UBA5: variants seen among roughly 807,000 people sequenced by gnomAD.
The protein encoded by UBA5 is ubiquitin-like modifier-activating enzyme 5.
In UBA5, 28 loss-of-function variants were observed where a neutral mutation model predicts 52.9. The observed-to-expected ratio is 0.53, with a 90% CI of 0.39 to 0.73. The LOEUF (loss-of-function observed/expected upper bound fraction) is 0.73, where lower values mean the gene tolerates loss of function less well. Among genes scored for constraint, UBA5 ranks in the 30% least tolerant of loss-of-function variants. The pLI is 0.00. For missense variants in UBA5, 388 were observed against 492.7 expected, an observed-to-expected ratio of 0.79 and a Z score of 2.01; for synonymous variants, 135 against 162.1, an observed-to-expected ratio of 0.83 and a Z score of 1.27.
rs149798080 is a variant in UBA5, at chr3:132,669,469, C to T, written c.407+542C>T. ...TTTTAGCAGAGATGGGGTTTTGCCA[C>T]ATTGCCCAGGCTGGTCTCAAACTCT... is the stretch of plus-strand genomic sequence containing the variant. On this transcript the variant is annotated intron_variant, in intron 4 of 11. Transcript: ENST00000356232. Among the ~76,000 whole-genome samples the T allele has an allele frequency of 1.2e-3, 182 of 152,196 alleles. 1 individual carries two copies. Among genetic ancestry groups the T allele is most frequent in the African/African-American group, 3.8e-3 (156 of 41,528 alleles).
Position 132,676,597 on chromosome 3 carries a change from C to A in UBA5, c.*71C>A. The A allele has an allele frequency of 9.0e-7, 1 of 1,112,816 alleles. No individual in the cohort carries two copies. The highest frequency in any genetic ancestry group is 1.3e-6 in the Non-Finnish European group (1 of 760,190). 68.9% of individuals were successfully genotyped at this position (1,112,816 alleles called of 1,614,324 possible). A position where few individuals can be genotyped will look rare whatever the true frequency, so the allele number is the denominator to read the frequency against. On this transcript the variant is annotated 3_prime_UTR_variant, in exon 12 of 12. Coordinates refer to ENST00000356232, the MANE Select transcript of UBA5 (RefSeq NM_024818.6). This position sits in a 1 kb window ranked among gnomAD's most constrained non-coding sequence, Gnocchi z 4.1. ...CCTTGAAATTAAAAAAAAATTTTAA[C>A]TGATAAAACTTAGGGCAACATTAAT...
chr3:132,658,771 T>G (rs1217459165), upstream of UBA5, among the ~76,000 whole-genome samples: 1 of 152,218 alleles, frequency 6.6e-6, no homozygotes, highest in Non-Finnish European at 1.5e-5. Flanking sequence ...TAAATGCTAG[T>G]GATAAAATAC....
rs914237008 is a variant in UBA5 at position 132,670,046 on chromosome 3, CAG to C, written c.408-151_408-150del. The C allele has an allele frequency of 3.0e-4, 159 of 524,464 alleles. No individual in the cohort carries two copies. The African/African-American group carries it at 3.1e-3, about 10-fold the overall frequency. The allele number at this position is 524,464 out of a possible 1,614,324, so 32.5% of individuals were successfully genotyped here. ...CTTTTTAAAAACATTTTTTTAGAGA[CAG>C]GGTCTCACTCTGTCCCCCAGGTTGG... On this transcript the variant is annotated intron_variant, in intron 4 of 11. Transcript: ENST00000356232.
Position 132,675,883 on chromosome 3 carries a change from T to C in UBA5, c.1091T>C (p.Leu364Ser), listed in dbSNP as rs745505299. 4.3e-6 allele frequency: 7 copies of C among 1,611,472 alleles called. No homozygotes were observed. The East Asian group carries it at 1.1e-4, about 26-fold the overall frequency. Residue 364 changes from leucine to serine, a missense_variant, in exon 11 of 12, where the codon TTA becomes TCA. Physicochemically the swap from Leu to Ser is moderately radical, Grantham distance 145 (BLOSUM62 -2). Around this residue, in one of 3 missense-constraint regions of UBA5, gnomAD observed 277 missense variants for 326.4 expected, o/e 0.85. Transcript: ENST00000356232. ...LKNFSGPVPD[L>S]PEGITVAYTI... is the part of the protein sequence containing the mutation. ...AATTTTTCAGGTCCAGTTCCAGACT[T>C]ACCTGAAGGAATTACAGTGGCATAC...
In UBA5 at chr3:132,676,554, T is replaced by C; in HGVS notation, c.*28T>C. On this transcript the variant is annotated 3_prime_UTR_variant, in exon 12 of 12. Transcript: ENST00000356232. This position sits in a 1 kb window ranked among gnomAD's most constrained non-coding sequence, Gnocchi z 4.1. ...AATGGACTGGGATATATTGTATTTCTCATGTTAAAGCCTCTTCCCTTGAAA... is the reference window on the plus strand; with the variant it reads ...AATGGACTGGGATATATTGTATTTCCCATGTTAAAGCCTCTTCCCTTGAAA... The C allele has an allele frequency of 6.5e-7, 1 of 1,531,582 alleles. No individual in the cohort carries two copies. Among genetic ancestry groups the C allele is most frequent in the Non-Finnish European group, 8.9e-7 (1 of 1,125,206 alleles). 94.9% of individuals were successfully genotyped at this position (1,531,582 alleles called of 1,614,324 possible). A position where few individuals can be genotyped will look rare whatever the true frequency, so the allele number is the denominator to read the frequency against.
upstream of UBA5, chr3:132,659,518 A>G (rs994868366): frequency 1.3e-6 from 2 of 1,578,800 alleles, no homozygotes; most frequent in Non-Finnish European, 1.7e-6. Context: ...GGGTGGGAGA[A>G]ACTTAGGAAA....
chr3:132,661,175 C>A (rs1170827191), intron 1 of UBA5: 2 of 635,774 alleles, frequency 3.1e-6, no homozygotes, highest in Non-Finnish European at 4.6e-6. Flanking sequence ...TTCGACATTA[C>A]CAAGACTGCC....
At chr3:132,664,459 G>A (rs1938289406) in intron 1 of UBA5, among the ~76,000 whole-genome samples, 1 of 151,652 alleles carries the variant, frequency 6.6e-6, no homozygotes, top group African/African-American at 2.4e-5. Flanking sequence ...AAAACTACTG[G>A]AAGATGTTCT....
rs374231741 is a variant in UBA5, at chr3:132,668,910, A to C, written c.390A>C (p.Ala130=). 60 of 1,606,870 alleles carry C rather than the reference A, an allele frequency of 3.7e-5. 1 individual carries two copies. In the East Asian group the frequency reaches 4.0e-4, roughly 11 times the overall value. The change falls in exon 4 of 12, where the codon GCA becomes GCC. Residue 130 remains alanine, a synonymous_variant. Coordinates refer to ENST00000356232, the MANE Select transcript of UBA5 (RefSeq NM_024818.6). ...PHQAGLSKVQ[A]AEHTLRNINP... ...AAGCAGGATTAAGTAAAGTTCAAGC[A>C]GCAGAACATACTCTGAGGTAAATGG...
At chr3:132,659,878 C>T, upstream of UBA5, 1 of 1,165,922 alleles carries the variant, frequency 8.6e-7, no homozygotes, top group Non-Finnish European at 1.2e-6. Flanking sequence ...TCCAGCCAAC[C>T]GCACACAGCC....
In UBA5 at chr3:132,671,770, T is replaced by A. The variant is rs754852475; in HGVS notation, c.580-7T>A. The A allele has an allele frequency of 6.3e-7, 1 of 1,599,172 alleles. No homozygotes were observed. The highest frequency in any genetic ancestry group is 8.5e-7 in the Non-Finnish European group (1 of 1,175,330). ...TTTTCCTTATGTTTTCACCCATTTC[T>A]ACTAAGGCTTGTAATGAACTTGGAC... On this transcript the variant is annotated splice_polypyrimidine_tract_variant and splice_region_variant and intron_variant, in intron 6 of 11. Coordinates refer to ENST00000356232, the MANE Select transcript of UBA5 (RefSeq NM_024818.6).
chr3:132,666,224 C>G lies in UBA5; in HGVS notation c.297+151C>G, dbSNP rs1168581290. 6.5e-6 allele frequency: 4 copies of G among 616,576 alleles called. No individual in the cohort carries two copies. In the South Asian group the frequency reaches 8.6e-5, roughly 13 times the overall value. 38.2% of individuals were successfully genotyped at this position (616,576 alleles called of 1,614,324 possible). A position where few individuals can be genotyped will look rare whatever the true frequency, so the allele number is the denominator to read the frequency against. ...TCTTTCTACTCGGGTTGAGACATAT[C>G]CCCACCCAAACAAAAGGTGATATTA... On this transcript the variant is annotated intron_variant, in intron 3 of 11. Coordinates refer to ENST00000356232, the MANE Select transcript of UBA5 (RefSeq NM_024818.6).
chr3:132,657,923 T>C (rs1336015611), upstream of UBA5, among the ~76,000 whole-genome samples: 1 of 146,728 alleles, frequency 6.8e-6, no homozygotes, highest in African/African-American at 2.5e-5. Context: ...AGCATGGTGG[T>C]GCAATCTTGG....
In UBA5 at chr3:132,660,973, A is replaced by T. The variant is rs1219908149; in HGVS notation, c.161+275A>T. ...AGTTTCCTATCACCCTTGCCTCTTA[A>T]TTAGTCCGCCTCGCTGTGTATAAGA... On this transcript the variant is annotated intron_variant, in intron 1 of 11. Transcript: ENST00000356232. This position sits in a 1 kb window ranked among gnomAD's most constrained non-coding sequence, Gnocchi z 4.1. The T allele has an allele frequency of 1.4e-6, 2 of 1,480,692 alleles. No individual in the cohort carries two copies. The highest frequency in any genetic ancestry group is 1.8e-6 in the Non-Finnish European group (2 of 1,112,616). The allele number at this position is 1,480,692 out of a possible 1,614,324, so 91.7% of individuals were successfully genotyped here.
chr3:132,662,302 A>G (rs113315720), intron 1 of UBA5, among the ~76,000 whole-genome samples: 12 of 152,318 alleles, frequency 7.9e-5, no homozygotes, highest in Non-Finnish European at 1.5e-4. Context: ...TCATACAGCA[A>G]ATATTTACTG....
chr3:132,670,172 A>G (rs745686799), intron 4 of UBA5, 26 bp from the exon 5 acceptor site: 1 of 1,133,436 alleles, frequency 8.8e-7, no homozygotes, highest in South Asian at 1.3e-5. Context: ...TTACAGGCTT[A>G]TAATCATTCC....
In UBA5 at chr3:132,668,812, T is replaced by A. The variant is rs1419554052; in HGVS notation, c.298-6T>A. The A allele has an allele frequency of 6.3e-7, 1 of 1,575,348 alleles. No homozygotes were observed. The highest frequency in any genetic ancestry group is 8.6e-7 in the Non-Finnish European group (1 of 1,158,368). On this transcript the variant is annotated splice_polypyrimidine_tract_variant and splice_region_variant and intron_variant, in intron 3 of 11. Coordinates refer to ENST00000356232, the MANE Select transcript of UBA5 (RefSeq NM_024818.6). ...TTTCATCAGAATACCACTATTTTCATTTTAGTTGCTACTCTTTGATTATGA... is the reference window on the plus strand; with the variant it reads ...TTTCATCAGAATACCACTATTTTCAATTTAGTTGCTACTCTTTGATTATGA...
chr3:132,659,861 G>T (rs776372392), upstream of UBA5: 12 of 1,368,222 alleles, frequency 8.8e-6, no homozygotes, highest in Middle Eastern at 2.6e-4. Flanking sequence ...CCGGGGTGGG[G>T]TCTGGCTCCA....
chr3:132,665,494 T>A (rs867938752), intron 1 of UBA5, among the ~76,000 whole-genome samples: 13 of 152,148 alleles, frequency 8.5e-5, no homozygotes, highest in Admixed American at 5.9e-4. Context: ...ATTAAATATT[T>A]ACATATTCTA....
Sources: allele counts gnomAD v4.1 joint callset (sites outside exome capture counted in the v4.1 genomes callset), GRCh38; gene constraint gnomAD v4.1.1; regional missense constraint gnomAD v4.1.1; non-coding constraint Gnocchi (gnomAD v3.1); transcripts MANE v1.5; gene names NCBI Gene and HGNC (gene_info 2026-07-23, HGNC 2026-07-21).